The following FSTL5 variants were observed in gnomAD, a reference collection of about 807,000 sequenced individuals.
The protein encoded by FSTL5 is follistatin like 5.
In FSTL5, 62 loss-of-function variants were observed where a neutral mutation model predicts 89.1. That is an observed-to-expected ratio of 0.70 (90% CI 0.57 to 0.86). The LOEUF (loss-of-function observed/expected upper bound fraction) is 0.86. Among genes scored for constraint, FSTL5 ranks in the 40% least tolerant of loss-of-function variants. The pLI, the probability that FSTL5 is intolerant of heterozygous loss-of-function variation, is 0.00. For synonymous variants in FSTL5, 383 were observed against 346.2 expected, an observed-to-expected ratio of 1.11 and a Z score of -1.18; for missense variants, 1,057 against 1,001.6, an observed-to-expected ratio of 1.06 and a Z score of -0.75.
chr4:161,910,093 C>T (rs1733648046), intron 4 of FSTL5, among the ~76,000 whole-genome samples: 1 of 152,098 alleles, frequency 6.6e-6, no homozygotes, highest in Non-Finnish European at 1.5e-5. Flanking sequence ...TTCTCAAATC[C>T]TCATCATACT....
In FSTL5 at chr4:161,874,566, A is replaced by AT. The variant is rs375519679; in HGVS notation, c.409+45837dup. 1.2e-3 allele frequency among the ~76,000 whole-genome samples: 167 copies of AT among 135,676 alleles called. 4 individuals are homozygous for AT. The East Asian group carries it at 0.017, about 14-fold the overall frequency. 89.0% of individuals were successfully genotyped at this position (135,676 alleles called of 152,430 possible). A position where few individuals can be genotyped will look rare whatever the true frequency, so the allele number is the denominator to read the frequency against. On this transcript the variant is annotated intron_variant, in intron 4 of 15. Transcript: ENST00000306100. Reference sequence around the variant, plus strand: ...AGCTTCCTTCCAGAATATATTTTAGATTTTTTTTTTTTTTTACTTTCTTAC... The same window carrying AT: ...AGCTTCCTTCCAGAATATATTTTAGATTTTTTTTTTTTTTTTACTTTCTTAC...
intron 4 of FSTL5, among the ~76,000 whole-genome samples, chr4:161,843,690 G>A (rs905680401): frequency 4.6e-5 from 7 of 152,046 alleles, no homozygotes; most frequent in Admixed American, 4.6e-4. Context: ...ACAAGCAATG[G>A]GGAAAGGATT....
intron 2 of FSTL5, among the ~76,000 whole-genome samples, chr4:162,072,857 G>T (rs915828062): frequency 1.3e-5 from 2 of 151,712 alleles, no homozygotes; most frequent in African/African-American, 4.8e-5. Flanking sequence ...AATTGGGGTG[G>T]ACCTCAAGCA....
chr4:161,598,505 A>C (rs1041725586), intron 7 of FSTL5, among the ~76,000 whole-genome samples: 1 of 152,286 alleles, frequency 6.6e-6, no homozygotes, highest in East Asian at 1.9e-4. Flanking sequence ...AAGAGAAAAC[A>C]AAGATGATTT....
chr4:161,531,019 C>T (rs1242535666), intron 10 of FSTL5, among the ~76,000 whole-genome samples: 2 of 152,176 alleles, frequency 1.3e-5, no homozygotes, highest in Non-Finnish European at 2.9e-5. Flanking sequence ...ACCACACAAT[C>T]CCCTATGGTC....
In FSTL5 at chr4:161,709,545, A is replaced by C. The variant is rs187742119; in HGVS notation, c.727+49866T>G. 5.9e-4 allele frequency among the ~76,000 whole-genome samples: 90 copies of C among 152,296 alleles called. 2 individuals are homozygous for C. In the East Asian group the frequency reaches 0.013, roughly 21 times the overall value. ...GGCTGGTGCAGTGGCTCACAACTAT[A>C]ATCTCAGCATTTTGGGAGGCCGAGG... On this transcript the variant is annotated intron_variant, in intron 6 of 15. Transcript: ENST00000306100.
intron 6 of FSTL5, among the ~76,000 whole-genome samples, chr4:161,716,443 C>T (rs1738985774): frequency 6.6e-6 from 1 of 151,684 alleles, no homozygotes; most frequent in South Asian, 2.1e-4. Context: ...CTAAAAATAC[C>T]AAAGTGAGCC....
At chr4:161,706,937 G>C (rs549486838) in intron 6 of FSTL5, among the ~76,000 whole-genome samples, 1 of 151,894 alleles carries the variant, frequency 6.6e-6, no homozygotes, top group Non-Finnish European at 1.5e-5. Flanking sequence ...TCATTGAAAA[G>C]TGCCATGAAA....
intron 2 of FSTL5, among the ~76,000 whole-genome samples, chr4:162,036,278 C>A (rs1478868686): frequency 6.6e-6 from 1 of 152,080 alleles, no homozygotes; most frequent in East Asian, 1.9e-4. Context: ...GAATTTCTGA[C>A]CTTCCCTTAC....
chr4:162,119,003 G>A lies in FSTL5; in HGVS notation c.-16-7591C>T, dbSNP rs558598200. On this transcript the variant is annotated intron_variant, in intron 1 of 15. Coordinates refer to ENST00000306100, the MANE Select transcript of FSTL5 (RefSeq NM_020116.5). ...ATACAAGGTGAGAGAACCTCCTGAG[G>A]CCAGAAATTCAAGTTGAAGACCAGA... Among the ~76,000 whole-genome samples, 12 of 152,112 alleles carry A rather than the reference G, an allele frequency of 7.9e-5. No individual in the cohort carries two copies. In the East Asian group the frequency reaches 2.3e-3, roughly 29 times the overall value.
intron 1 of FSTL5, among the ~76,000 whole-genome samples, chr4:162,129,378 CTCA>C (rs767653515): frequency 1.3e-5 from 2 of 152,146 alleles, no homozygotes; most frequent in African/African-American, 2.4e-5. Flanking sequence ...TCCCAGAAAA[CTCA>C]TCTGGAATTT....
At position 161,486,791 on chromosome 4, in the gene FSTL5, C is replaced by T. The variant is rs766900824; in HGVS notation, c.1459-5622G>A. Among the ~76,000 whole-genome samples, 12 of 151,950 alleles carry T rather than the reference C, an allele frequency of 7.9e-5. No individual in the cohort carries two copies. In the East Asian group the frequency reaches 1.3e-3, roughly 17 times the overall value. ...TTTTAATTACTCTTTCCTAGTGCCC[C>T]CTCTTTTGTAAAAAAATAATTAATA... On this transcript the variant is annotated intron_variant, in intron 12 of 15. Coordinates refer to ENST00000306100, the MANE Select transcript of FSTL5 (RefSeq NM_020116.5).
chr4:161,555,000 G>A (rs1732341348), intron 8 of FSTL5, among the ~76,000 whole-genome samples: 1 of 151,560 alleles, frequency 6.6e-6, no homozygotes, highest in Admixed American at 6.6e-5. Context: ...TTATATTCAT[G>A]ACTTTCACAC....
intron 15 of FSTL5, among the ~76,000 whole-genome samples, chr4:161,417,475 G>C (rs1468783412): frequency 1.3e-5 from 2 of 152,060 alleles, no homozygotes; most frequent in Non-Finnish European, 2.9e-5. Context: ...ATTCTTTCCT[G>C]GCATTTACAA....
At chr4:161,800,105 T>G (rs994496334) in intron 4 of FSTL5, among the ~76,000 whole-genome samples, 3 of 151,692 alleles carry the variant, frequency 2.0e-5, no homozygotes, top group Non-Finnish European at 4.4e-5. Flanking sequence ...TAAGATTCCT[T>G]TCTCATCTTC....
intron 15 of FSTL5, among the ~76,000 whole-genome samples, chr4:161,442,355 G>A (rs1732802901): frequency 6.6e-6 from 1 of 151,984 alleles, no homozygotes; most frequent in Non-Finnish European, 1.5e-5. Context: ...ATCAATAACT[G>A]TTATAATTTA....
intron 3 of FSTL5, among the ~76,000 whole-genome samples, chr4:161,922,174 A>G (rs992500313): frequency 6.6e-6 from 1 of 152,038 alleles, no homozygotes; most frequent in Admixed American, 6.6e-5. Flanking sequence ...AAAAAATTTC[A>G]AACTATTTGA....
intron 3 of FSTL5, among the ~76,000 whole-genome samples, chr4:161,956,613 T>C (rs1735032695): frequency 6.6e-6 from 1 of 151,918 alleles, no homozygotes; most frequent in Non-Finnish European, 1.5e-5. Context: ...TAAAACAGTA[T>C]ATAAATGATT....
chr4:162,103,765 G>A (rs565198585), intron 2 of FSTL5, among the ~76,000 whole-genome samples: 3 of 152,324 alleles, frequency 2.0e-5, no homozygotes, highest in African/African-American at 7.2e-5. Context: ...TAGCTGGGAA[G>A]GTGACAGCAT....
Sources: allele counts gnomAD v4.1 joint callset (sites outside exome capture counted in the v4.1 genomes callset), GRCh38; gene constraint gnomAD v4.1.1; transcripts MANE v1.5; gene names NCBI Gene and HGNC (gene_info 2026-07-23, HGNC 2026-07-21).